Variants in ATRX observed in about 807,000 individuals in gnomAD.
ATRX encodes chromatin remodeler ATRX.
ATRX carries 12 observed loss-of-function variants against 172.6 expected under a neutral mutation model. The ratio of observed to expected loss-of-function variants is 0.07; its 90% CI spans 0.04 to 0.11. The LOEUF (loss-of-function observed/expected upper bound fraction) is 0.11, where lower values mean the gene tolerates loss of function less well. Ranked by LOEUF, ATRX falls within the 10% of genes least tolerant of loss-of-function variation. The pLI is 1.00. For synonymous variants in ATRX, 674 were observed against 594.7 expected (o/e 1.13, Z -1.94); for missense variants, 1,368 against 1,767.4 (o/e 0.77, Z 4.05).
At position 77,738,349 on chromosome X, in the gene ATRX, AC is replaced by A. The variant is rs1430705322; in HGVS notation, c.21-21107del. ...CACCCTGTCTCCAAAAAAAAAAAAA[AC>A]AATAAATAATAATAATAATAATTTT... On this transcript the variant is annotated intron_variant, in intron 1 of 34. Transcript: ENST00000373344. 2.4e-4 allele frequency among the ~76,000 whole-genome samples: 26 copies of A among 106,612 alleles called. No individual in the cohort carries two copies. In the South Asian group the frequency reaches 9.9e-3, roughly 41 times the overall value. The allele number at this position is 106,612 out of a possible 115,157, so 92.6% of individuals were successfully genotyped here.
intron 19 of ATRX, among the ~76,000 whole-genome samples, chrX:77,629,650 T>C: frequency 8.9e-6 from 1 of 111,800 alleles, no homozygotes; most frequent in Middle Eastern, 4.6e-3. Flanking sequence ...GTAATCTAGG[T>C]ATTTATTTTT....
chrX:77,572,733 A>G (rs1557068239), intron 28 of ATRX, among the ~76,000 whole-genome samples: 1 of 112,103 alleles, frequency 8.9e-6, no homozygotes, highest in African/African-American at 3.2e-5. Flanking sequence ...CATGAAAAAC[A>G]CAGAATATAA....
At chrX:77,697,438 G>T in intron 4 of ATRX, 145 bp downstream of exon 4, 1 of 492,149 alleles carries the variant, frequency 2.0e-6, no homozygotes, top group Non-Finnish European at 3.4e-6. Context: ...ATTATATTAT[G>T]CTAATCATTT....
Position 77,684,152 on chromosome X carries a change from G to A in ATRX, c.1104C>T (p.Ser368=), listed in dbSNP as rs2148630427. 1 of 1,207,451 alleles carries A rather than the reference G, an allele frequency of 8.3e-7. No homozygotes were observed. Among genetic ancestry groups the A allele is most frequent in the East Asian group, 3.0e-5 (1 of 33,800 alleles). Residue 368 remains serine, a synonymous_variant, in exon 9 of 35, where the codon TCC becomes TCT. Transcript: ENST00000373344. ...KLIETTANMN[S]SYVKFLKQAT... is the part of the protein sequence containing the mutation. ...CCTGCTTTAAAAATTTAACATAACT[G>A]GAGTTCATGTTGGCTGTGGTCTCAA...
In ATRX at chrX:77,569,124, C is replaced by CAG. The variant is rs781847425; in HGVS notation, c.6326+5125_6326+5126insCT. Among the ~76,000 whole-genome samples the CAG allele has an allele frequency of 5.5e-5, 6 of 110,027 alleles. No homozygotes were observed. The South Asian group carries it at 2.4e-3, about 44-fold the overall frequency. On this transcript the variant is annotated intron_variant, in intron 28 of 34. Transcript: ENST00000373344. Reference sequence around the variant, plus strand: ...CAGAAACCTTGTCTCAAAACAAAAACAAACAAAAACAACCCCCCCACCCAA... The same window carrying CAG: ...CAGAAACCTTGTCTCAAAACAAAAACAGAAACAAAAACAACCCCCCCACCCAA...
chrX:77,707,855 T>C (rs189115944), intron 2 of ATRX, among the ~76,000 whole-genome samples: 168 of 112,259 alleles, frequency 1.5e-3, no homozygotes, highest in African/African-American at 5.2e-3. Context: ...CTTCAGGCAG[T>C]TGAAAACTAA....
intron 27 of ATRX, chrX:77,575,464 T>C (rs2065581000): frequency 9.0e-6 from 1 of 111,398 alleles, no homozygotes; most frequent in Admixed American, 9.5e-5. Context: ...GCATTAATTG[T>C]TCACTTGAAC....
At chrX:77,613,513 G>T (rs1034584652) in intron 22 of ATRX, among the ~76,000 whole-genome samples, 3 of 111,791 alleles carry the variant, frequency 2.7e-5, no homozygotes, top group African/African-American at 6.5e-5. Context: ...TAAACCACAC[G>T]GGTCCACTTA....
intron 9 of ATRX, 129 bp downstream of exon 9, chrX:77,681,391 A>G (rs1243878501): frequency 1.2e-5 from 8 of 642,634 alleles, no homozygotes; most frequent in Non-Finnish European, 1.9e-5. Flanking sequence ...ATAAACTCCT[A>G]AATAATTTTT....
intron 19 of ATRX, among the ~76,000 whole-genome samples, chrX:77,624,129 G>T (rs1228772041): frequency 2.7e-5 from 3 of 111,638 alleles, no homozygotes; most frequent in African/African-American, 9.8e-5. Flanking sequence ...CACTTTGGGA[G>T]GCTGAGCGGG....
chrX:77,609,801 A>G (rs1954947492), intron 22 of ATRX, among the ~76,000 whole-genome samples: 1 of 111,829 alleles, frequency 8.9e-6, no homozygotes, highest in African/African-American at 3.3e-5. Flanking sequence ...AAAACAACTG[A>G]ACTCACAGAG....
At position 77,528,130 on chromosome X, in the gene ATRX, A is replaced by G. The variant is rs1378379521; in HGVS notation, c.6700-4729T>C. Among the ~76,000 whole-genome samples the G allele has an allele frequency of 2.2e-4, 24 of 109,806 alleles. No individual in the cohort carries two copies. The Admixed American group carries it at 2.3e-3, about 11-fold the overall frequency. On this transcript the variant is annotated intron_variant, in intron 30 of 34. Coordinates refer to ENST00000373344, the MANE Select transcript of ATRX (RefSeq NM_000489.6). Reference sequence around the variant, plus strand: ...GTTGTGGAGAGTGCAGACCACCCAGACAAGGAGCACCCCCTCCTTCCCCGC... The same window carrying G: ...GTTGTGGAGAGTGCAGACCACCCAGGCAAGGAGCACCCCCTCCTTCCCCGC...
intron 13 of ATRX, among the ~76,000 whole-genome samples, chrX:77,655,865 A>G (rs2069520386): frequency 9.0e-6 from 1 of 111,403 alleles, no homozygotes; most frequent in Non-Finnish European, 1.9e-5. Context: ...GTAGACATAC[A>G]TACACAAACA....
chrX:77,682,806 T>C lies in ATRX; in HGVS notation c.2450A>G (p.Tyr817Cys). The C allele has an allele frequency of 1.7e-6, 2 of 1,210,107 alleles. No individual in the cohort carries two copies. The highest frequency in any genetic ancestry group is 2.2e-6 in the Non-Finnish European group (2 of 894,597). The change falls in exon 9 of 35, where the codon TAT (tyrosine) becomes TGT (cysteine). Residue 817 changes from tyrosine (Y) to cysteine (C), a missense_variant. Tyr to Cys is a radical substitution (Grantham distance 194). Coordinates refer to ENST00000373344, the MANE Select transcript of ATRX (RefSeq NM_000489.6). ...TATCTCTTTTTCTAATTCTGAGTCA[T>C]AATTAGAAGACTCAGACTGGGTTTG... ...KRQTQSESSNYDSELEKEIKS... is the reference protein window; with the variant it reads ...KRQTQSESSNCDSELEKEIKS...
At chrX:77,716,822 C>G (rs921192226) in intron 2 of ATRX, among the ~76,000 whole-genome samples, 1 of 112,051 alleles carries the variant, frequency 8.9e-6, no homozygotes, top group African/African-American at 3.2e-5. Context: ...CCTGCCTCTT[C>G]TAATACTATT....
At chrX:77,642,399 G>A (rs1325426802) in intron 15 of ATRX, among the ~76,000 whole-genome samples, 3 of 111,688 alleles carry the variant, frequency 2.7e-5, no homozygotes, top group African/African-American at 6.5e-5. Flanking sequence ...AAAGATGAAG[G>A]AAAAAGGAGA....
intron 7 of ATRX, among the ~76,000 whole-genome samples, chrX:77,685,299 A>T (rs996845555): frequency 7.1e-5 from 8 of 112,058 alleles, no homozygotes; most frequent in Admixed American, 9.5e-5. Flanking sequence ...CTGACAATGG[A>T]TTAATAACCA....
intron 1 of ATRX, among the ~76,000 whole-genome samples, chrX:77,780,289 G>A (rs1240021334): frequency 9.0e-6 from 1 of 111,115 alleles, no homozygotes; most frequent in African/African-American, 3.3e-5. Context: ...GCAGATAAGA[G>A]AAAATGATAA....
At chrX:77,547,355 G>A (rs2064283073) in intron 30 of ATRX, among the ~76,000 whole-genome samples, 1 of 111,550 alleles carries the variant, frequency 9.0e-6, no homozygotes, top group Non-Finnish European at 1.9e-5. Context: ...AAGACAGCTT[G>A]CCAGCGTTAG....
Sources: allele counts gnomAD v4.1 joint callset (sites outside exome capture counted in the v4.1 genomes callset), GRCh38; gene constraint gnomAD v4.1.1; transcripts MANE v1.5; gene names NCBI Gene and HGNC (gene_info 2026-07-23, HGNC 2026-07-21).